PHACTR3: variants seen among roughly 807,000 people sequenced by gnomAD.
The protein encoded by PHACTR3 is protein phosphatase 1, regulatory subunit 123.
A neutral mutation model predicts 66.8 loss-of-function variants in PHACTR3; 16 were observed. The observed-to-expected ratio is 0.24, with a 90% CI of 0.16 to 0.36. PHACTR3 has a LOEUF of 0.36. PHACTR3 is among the 10% of genes least tolerant of loss of function. The probability of loss-of-function intolerance (pLI) is 1.00; values close to 1 mark genes in which losing one functional copy is unlikely to be tolerated. For synonymous variants in PHACTR3, 323 were observed against 292.1 expected, an observed-to-expected ratio of 1.11 and a Z score of -1.08; for missense variants, 647 against 719.9, an observed-to-expected ratio of 0.90 and a Z score of 1.16.
rs11477768 is a variant in PHACTR3, at chr20:59,604,877, C to CTTT, written c.-118_-116dup. ...TCTCCAGCTCGTTTCCTTTCCCGGC[C>CTTT]TTTTTTTTTTTTTTTTTTTTTTAAT... On this transcript the variant is annotated 5_prime_UTR_variant, in exon 1 of 13. Transcript: ENST00000371015. 162 of 977,490 alleles carry CTTT rather than the reference C, an allele frequency of 1.7e-4. No individual in the cohort carries two copies. The highest frequency in any genetic ancestry group is 9.8e-4 in the Middle Eastern group (2 of 2,046). 60.6% of individuals were successfully genotyped at this position (977,490 alleles called of 1,614,324 possible). A position where few individuals can be genotyped will look rare whatever the true frequency, so the allele number is the denominator to read the frequency against.
At chr20:59,832,260 G>A (rs967406000) in intron 8 of PHACTR3, among the ~76,000 whole-genome samples, 10 of 151,114 alleles carry the variant, frequency 6.6e-5, no homozygotes, top group African/African-American at 2.2e-4. Flanking sequence ...GTAATTGTCT[G>A]TCCTTGGCAT....
At chr20:59,609,569 C>T (rs973059998) in intron 1 of PHACTR3, among the ~76,000 whole-genome samples, 1 of 151,530 alleles carries the variant, frequency 6.6e-6, no homozygotes, top group African/African-American at 2.4e-5. Flanking sequence ...TTCCTCTTAC[C>T]GGTTTTCCTG....
intron 1 of PHACTR3, among the ~76,000 whole-genome samples, chr20:59,620,218 T>C (rs1178306049): frequency 2.1e-4 from 32 of 152,232 alleles, no homozygotes; most frequent in Admixed American, 2.1e-3. Context: ...CATCTAAAAA[T>C]GTCACAAAAT....
In PHACTR3 at chr20:59,809,579, A is replaced by T. The variant is rs6128701; in HGVS notation, c.1328+3385A>T. Among the ~76,000 whole-genome samples the T allele has an allele frequency of 2.6e-5, 4 of 152,282 alleles. No homozygotes were observed. In the East Asian group the frequency reaches 7.7e-4, roughly 29 times the overall value. On this transcript the variant is annotated intron_variant, in intron 8 of 12. Coordinates refer to ENST00000371015, the MANE Select transcript of PHACTR3 (RefSeq NM_080672.5). ...TTCTAATCCTTCCCCATTTTGAGTTACATGATTCTTCTCTCTGGGGCTTGT... is the reference window on the plus strand; with the variant it reads ...TTCTAATCCTTCCCCATTTTGAGTTTCATGATTCTTCTCTCTGGGGCTTGT...
intron 3 of PHACTR3, among the ~76,000 whole-genome samples, chr20:59,753,859 G>A (rs1480794120): frequency 6.6e-6 from 1 of 152,234 alleles, no homozygotes; most frequent in African/African-American, 2.4e-5. Context: ...CACAGGGATG[G>A]CAGGTAGGAA....
intron 8 of PHACTR3, among the ~76,000 whole-genome samples, chr20:59,831,058 T>C (rs1184372694): frequency 1.3e-5 from 2 of 152,086 alleles, no homozygotes; most frequent in Admixed American, 6.5e-5. Flanking sequence ...GTCTCCTCTG[T>C]GCTACTCACA....
intron 1 of PHACTR3, among the ~76,000 whole-genome samples, chr20:59,657,234 A>G (rs909495668): frequency 1.3e-5 from 2 of 149,922 alleles, no homozygotes; most frequent in African/African-American, 2.5e-5. Flanking sequence ...TCTGTATGTT[A>G]TAGGCACAAT....
chr20:59,732,810 C>T (rs2146724275), intron 1 of PHACTR3, among the ~76,000 whole-genome samples: 2 of 152,274 alleles, frequency 1.3e-5, no homozygotes, highest in South Asian at 4.2e-4. Context: ...CTCATTTATT[C>T]AACCCACCTG....
intron 1 of PHACTR3, among the ~76,000 whole-genome samples, chr20:59,689,476 C>T (rs1326752374): frequency 6.6e-6 from 1 of 152,234 alleles, no homozygotes; most frequent in Admixed American, 6.5e-5. Flanking sequence ...AGAGGTGCCG[C>T]AGGGTCTGCC....
At chr20:59,593,534 G>A (rs1020743830) in intron 1 of PHACTR3, among the ~76,000 whole-genome samples, 4 of 151,776 alleles carry the variant, frequency 2.6e-5, no homozygotes, top group Non-Finnish European at 4.4e-5. Context: ...TTTCTTTCAA[G>A]GATGATGCCA....
At chr20:59,675,092 C>T (rs568708967) in intron 1 of PHACTR3, among the ~76,000 whole-genome samples, 4 of 89,746 alleles carry the variant, frequency 4.5e-5, no homozygotes, top group African/African-American at 1.9e-4. Context: ...CCTTCCTATT[C>T]TTTTCCCTCT....
intron 1 of PHACTR3, among the ~76,000 whole-genome samples, chr20:59,660,043 G>A (rs1218724284): frequency 1.3e-5 from 2 of 152,160 alleles, no homozygotes; most frequent in Non-Finnish European, 2.9e-5. Flanking sequence ...AATGTCCGGA[G>A]TTCCCAGGAT....
intron 7 of PHACTR3, among the ~76,000 whole-genome samples, chr20:59,786,180 G>A (rs143506208): frequency 6.6e-5 from 10 of 152,346 alleles, no homozygotes; most frequent in African/African-American, 1.7e-4. Flanking sequence ...CAGCTTCTGC[G>A]TGTGTGCCCC....
At chr20:59,789,209 G>A (rs1052306556) in intron 7 of PHACTR3, among the ~76,000 whole-genome samples, 4 of 152,200 alleles carry the variant, frequency 2.6e-5, no homozygotes, top group African/African-American at 9.7e-5. Context: ...CAGGGAGGTG[G>A]CCTCTGAGCA....
intron 8 of PHACTR3, among the ~76,000 whole-genome samples, chr20:59,819,946 T>TG (rs1256968297): frequency 6.6e-6 from 1 of 152,242 alleles, no homozygotes; most frequent in Non-Finnish European, 1.5e-5. Context: ...GAACAGAAGC[T>TG]GTTGGCATTT....
At chr20:59,624,752 T>TA (rs150991261) in intron 1 of PHACTR3, among the ~76,000 whole-genome samples, 44 of 151,728 alleles carry the variant, frequency 2.9e-4, no homozygotes, top group South Asian at 2.1e-3. Context: ...AAAGAAGACT[T>TA]AAAAAAAAAC....
At chr20:59,841,330 T>C in intron 10 of PHACTR3, 65 bp from the exon 11 acceptor site, 3 of 1,508,396 alleles carry the variant, frequency 2.0e-6, no homozygotes, top group Non-Finnish European at 2.7e-6. Context: ...GTGCTGTTTG[T>C]TCAGAGTACT....
At chr20:59,767,653 C>T (rs890360487) in intron 5 of PHACTR3, among the ~76,000 whole-genome samples, 1 of 152,198 alleles carries the variant, frequency 6.6e-6, no homozygotes, top group Admixed American at 6.5e-5. Context: ...AGTAGACTGC[C>T]TAGGCTCCCT....
chr20:59,648,363 G>A (rs2035354354), intron 1 of PHACTR3, among the ~76,000 whole-genome samples: 1 of 152,226 alleles, frequency 6.6e-6, no homozygotes, highest in Non-Finnish European at 1.5e-5. Context: ...TTACTGGCCT[G>A]GAGGTGGTCA....
Sources: allele counts gnomAD v4.1 joint callset (sites outside exome capture counted in the v4.1 genomes callset), GRCh38; gene constraint gnomAD v4.1.1; transcripts MANE v1.5; gene names NCBI Gene and HGNC (gene_info 2026-07-23, HGNC 2026-07-21).